PEX14: variants seen among roughly 807,000 people sequenced by gnomAD.
PEX14 encodes the protein peroxisomal membrane protein PEX14.
In PEX14, 15 loss-of-function variants were observed where a neutral mutation model predicts 49.5. That is an observed-to-expected ratio of 0.30 (90% CI 0.20 to 0.47). The LOEUF (loss-of-function observed/expected upper bound fraction) is 0.47. Ranked by LOEUF, PEX14 falls within the 20% of genes least tolerant of loss-of-function variation. The pLI is 1.00. For missense variants in PEX14, 398 were observed against 494.8 expected (o/e 0.80, Z 1.86); for synonymous variants, 210 against 212.7 (o/e 0.99, Z 0.11).
chr1:10,605,593 G>T (rs1204362305), intron 4 of PEX14, among the ~76,000 whole-genome samples: 1 of 152,216 alleles, frequency 6.6e-6, no homozygotes, highest in African/African-American at 2.4e-5. Flanking sequence ...CGGGGCCAGG[G>T]TGGCCTGTGC....
At chr1:10,487,156 TCTA>T (rs1203796257) in intron 1 of PEX14, among the ~76,000 whole-genome samples, 1 of 152,220 alleles carries the variant, frequency 6.6e-6, no homozygotes, top group Non-Finnish European at 1.5e-5. Context: ...TTGGATAAAT[TCTA>T]CTCGATGTGT....
At chr1:10,592,670 G>A (rs998559021) in intron 3 of PEX14, among the ~76,000 whole-genome samples, 3 of 152,202 alleles carry the variant, frequency 2.0e-5, no homozygotes, top group Non-Finnish European at 2.9e-5. Context: ...AAGGGAGTAC[G>A]TCTGCCTTGT....
chr1:10,545,224 T>A (rs1477810999), intron 3 of PEX14, among the ~76,000 whole-genome samples: 2 of 152,244 alleles, frequency 1.3e-5, no homozygotes, highest in Non-Finnish European at 2.9e-5. Context: ...TTCCATTATA[T>A]GGCTATACTA....
chr1:10,563,158 C>T (rs950680225), intron 3 of PEX14, among the ~76,000 whole-genome samples: 1 of 149,570 alleles, frequency 6.7e-6, no homozygotes, highest in African/African-American at 2.4e-5. Flanking sequence ...CCTTGCGATC[C>T]ACTGACCTTG....
intron 7 of PEX14, among the ~76,000 whole-genome samples, chr1:10,626,611 G>A (rs534669981): frequency 6.6e-6 from 1 of 152,374 alleles, no homozygotes; most frequent in East Asian, 1.9e-4. Flanking sequence ...CACCTCGGGG[G>A]AGCAGTATCA....
chr1:10,618,467 C>T (rs759396416), intron 5 of PEX14, 50 bp downstream of exon 5: 1 of 1,369,094 alleles, frequency 7.3e-7, no homozygotes, highest in South Asian at 1.2e-5. Flanking sequence ...CACCCTGTGG[C>T]ATTCAGCACC....
rs778227279 is a variant in PEX14 at position 10,629,556 on chromosome 1, G to A, written c.703G>A (p.Ala235Thr). 1.2e-6 allele frequency: 2 copies of A among 1,613,688 alleles called. No homozygotes were observed. The highest frequency in any genetic ancestry group is 8.5e-7 in the Non-Finnish European group (1 of 1,179,812). Reference protein sequence around the residue: ...NRRQFPPSPSAPKIPSWQIPV... With the variant: ...NRRQFPPSPSTPKIPSWQIPV... The stretch of plus-strand genomic sequence containing the variant: ...GAGGCAGTTCCCTCCATCCCCATCA[G>A]CCCCGAAGATCCCCTCCTGGCAGAT... Residue 235 changes from alanine (A) to threonine (T), a missense_variant, in exon 9 of 9, where the codon GCC (alanine) becomes ACC (threonine). By Grantham distance (58) the Ala-to-Thr change is moderately conservative. Coordinates refer to ENST00000356607, the MANE Select transcript of PEX14 (RefSeq NM_004565.3). This position sits in a 1 kb window ranked among gnomAD's most constrained non-coding sequence, Gnocchi z 8.5.
At chr1:10,478,449 T>A (rs72869123) in intron 1 of PEX14, among the ~76,000 whole-genome samples, 9,134 of 152,240 alleles carry the variant, frequency 0.06, 944 homozygotes, top group African/African-American at 0.21. Context: ...TAGCTGTCCT[T>A]CATGACTTTT....
At position 10,504,706 on chromosome 1, in the gene PEX14, A is replaced by ATTCCTT. The variant is rs546205025; in HGVS notation, c.84+9399_84+9404dup. 1.5e-3 allele frequency among the ~76,000 whole-genome samples: 221 copies of ATTCCTT among 150,818 alleles called. 1 individual carries two copies. The highest frequency in any genetic ancestry group is 5.1e-3 in the African/African-American group (211 of 41,312). On this transcript the variant is annotated intron_variant, in intron 2 of 8. Transcript: ENST00000356607. ...GACAATCAAGCACACAAGTTGATTGATTCCTTTTCCTTTTCCTTTCCTTTC... is the reference window on the plus strand; with the variant it reads ...GACAATCAAGCACACAAGTTGATTGATTCCTTTTCCTTTTCCTTTTCCTTTCCTTTC...
chr1:10,477,448 C>T (rs1176999209), intron 1 of PEX14, among the ~76,000 whole-genome samples: 1 of 152,218 alleles, frequency 6.6e-6, no homozygotes, highest in African/African-American at 2.4e-5. Flanking sequence ...AACCAATGCT[C>T]TTCAGCAATT....
intron 3 of PEX14, among the ~76,000 whole-genome samples, chr1:10,573,655 T>C (rs1399525178): frequency 6.6e-6 from 1 of 152,314 alleles, no homozygotes; most frequent in Middle Eastern, 3.4e-3. Context: ...ATGATGAGTG[T>C]AGCTGCCTTT....
rs1431456051 is a variant in PEX14 at position 10,612,252 on chromosome 1, C to A, written c.299-6080C>A. 5.9e-5 allele frequency among the ~76,000 whole-genome samples: 9 copies of A among 152,080 alleles called. No homozygotes were observed. In the South Asian group the frequency reaches 1.9e-3, roughly 32 times the overall value. On this transcript the variant is annotated intron_variant, in intron 4 of 8. Transcript: ENST00000356607. ...ATGGCTGTTGCAAAAATTATCCTTT[C>A]CCCATAGAGCTACCTTGGCCTCTAT...
Position 10,613,369 on chromosome 1 carries a change from C to T in PEX14, c.299-4963C>T, listed in dbSNP as rs532697494. Among the ~76,000 whole-genome samples the T allele has an allele frequency of 5.3e-5, 8 of 152,208 alleles. No individual in the cohort carries two copies. The highest frequency in any genetic ancestry group is 1.7e-4 in the African/African-American group (7 of 41,458). On this transcript the variant is annotated intron_variant, in intron 4 of 8. Coordinates refer to ENST00000356607, the MANE Select transcript of PEX14 (RefSeq NM_004565.3). This position sits in a 1 kb window ranked among gnomAD's most constrained non-coding sequence, Gnocchi z 5.0. ...GGTTTTACCCAAACTGGAGCCTTTGCGCAGGCTGACCTCCATGGAGCCGGG... is the reference window on the plus strand; with the variant it reads ...GGTTTTACCCAAACTGGAGCCTTTGTGCAGGCTGACCTCCATGGAGCCGGG...
intron 3 of PEX14, among the ~76,000 whole-genome samples, chr1:10,577,558 A>G (rs76318033): frequency 1.1e-3 from 6 of 5,262 alleles, no homozygotes; most frequent in African/African-American, 1.9e-3. Context: ...ATATATATAT[A>G]TATATTTTTT....
intron 3 of PEX14, 111 bp from the exon 4 acceptor site, chr1:10,599,127 A>G: frequency 1.8e-6 from 2 of 1,107,262 alleles, no homozygotes; most frequent in South Asian, 1.3e-5. Flanking sequence ...GCAACTTACT[A>G]GGATGCGAGG....
chr1:10,550,788 C>T (rs928323403), intron 3 of PEX14, among the ~76,000 whole-genome samples: 7 of 152,162 alleles, frequency 4.6e-5, no homozygotes, highest in South Asian at 4.1e-4. Flanking sequence ...GTGTAGTCTG[C>T]GCCTGTGCTC....
intron 3 of PEX14, among the ~76,000 whole-genome samples, chr1:10,581,804 A>G (rs913460906): frequency 6.6e-6 from 1 of 150,502 alleles, no homozygotes; most frequent in Non-Finnish European, 1.5e-5. Flanking sequence ...ATAATTTGAA[A>G]GGCTTTTTCG....
At chr1:10,591,070 G>A (rs1286642693) in intron 3 of PEX14, among the ~76,000 whole-genome samples, 1 of 152,166 alleles carries the variant, frequency 6.6e-6, no homozygotes, top group African/African-American at 2.4e-5. Flanking sequence ...TCCCAAATCA[G>A]GCTGTTTCAA....
At chr1:10,504,009 C>T (rs1049168939) in intron 2 of PEX14, among the ~76,000 whole-genome samples, 1 of 152,190 alleles carries the variant, frequency 6.6e-6, no homozygotes, top group Admixed American at 6.5e-5. Context: ...GCTGGGATTA[C>T]AGGTGTGAGC....
Sources: allele counts gnomAD v4.1 joint callset (sites outside exome capture counted in the v4.1 genomes callset), GRCh38; gene constraint gnomAD v4.1.1; non-coding constraint Gnocchi (gnomAD v3.1); transcripts MANE v1.5; gene names NCBI Gene and HGNC (gene_info 2026-07-23, HGNC 2026-07-21).